Variants in SEMA6D observed in about 807,000 individuals in gnomAD.
SEMA6D encodes the protein semaphorin 6D.
A neutral mutation model predicts 106.6 loss-of-function variants in SEMA6D; 35 were observed. The ratio of observed to expected loss-of-function variants is 0.33; its 90% confidence interval spans 0.25 to 0.44. The LOEUF (loss-of-function observed/expected upper bound fraction) is 0.44. SEMA6D is among the 20% of genes least tolerant of loss of function. The pLI is 1.00. For missense variants in SEMA6D, 1,185 were observed against 1,345.9 expected (o/e 0.88, Z 1.87); for synonymous variants, 499 against 487.7 (o/e 1.02, Z -0.31).
chr15:47,654,486 T>C (rs1178789219), intron 4 of SEMA6D, among the ~76,000 whole-genome samples: 2 of 152,202 alleles, frequency 1.3e-5, no homozygotes, highest in East Asian at 1.9e-4. Context: ...ATATATACCA[T>C]TCAGTAAGTG....
intron 4 of SEMA6D, among the ~76,000 whole-genome samples, chr15:47,638,999 A>G (rs1478934446): frequency 6.6e-6 from 1 of 152,192 alleles, no homozygotes; most frequent in Non-Finnish European, 1.5e-5. Flanking sequence ...TTCCTCTCAC[A>G]TCCGTGCACT....
At chr15:47,628,827 G>T (rs1312252871) in intron 4 of SEMA6D, among the ~76,000 whole-genome samples, 3 of 152,024 alleles carry the variant, frequency 2.0e-5, no homozygotes, top group Admixed American at 6.6e-5. Flanking sequence ...TTAATTCAAG[G>T]TTTGGAAAAC....
At chr15:47,370,369 G>A (rs1004195804) in intron 1 of SEMA6D, among the ~76,000 whole-genome samples, 55 of 152,078 alleles carry the variant, frequency 3.6e-4, no homozygotes, top group African/African-American at 1.2e-3. Context: ...ATGAAAATTA[G>A]CCAGGCTTGA....
chr15:47,337,905 A>C (rs146615683), intron 1 of SEMA6D, among the ~76,000 whole-genome samples: 207 of 152,292 alleles, frequency 1.4e-3, no homozygotes, highest in African/African-American at 4.9e-3. Flanking sequence ...TATTCCCCAA[A>C]TCACCTCAAC....
At chr15:47,551,789 A>G (rs1345009313) in intron 3 of SEMA6D, among the ~76,000 whole-genome samples, 1 of 152,040 alleles carries the variant, frequency 6.6e-6, no homozygotes, top group Non-Finnish European at 1.5e-5. Flanking sequence ...CCAGAGATTC[A>G]GAGCCATAGT....
chr15:47,633,713 T>G (rs2077330952), intron 4 of SEMA6D, among the ~76,000 whole-genome samples: 1 of 152,196 alleles, frequency 6.6e-6, no homozygotes, highest in South Asian at 2.1e-4. Flanking sequence ...GTGAGCAGTT[T>G]TCAGTACAAT....
chr15:47,484,425 AT>A (rs1391527564), intron 3 of SEMA6D, among the ~76,000 whole-genome samples: 1 of 145,174 alleles, frequency 6.9e-6, no homozygotes, highest in East Asian at 2.0e-4. Context: ...AGGCAAGGCT[AT>A]TTCTGTGGTA....
intron 1 of SEMA6D, among the ~76,000 whole-genome samples, chr15:47,212,635 T>G (rs1281904154): frequency 6.6e-6 from 1 of 152,248 alleles, no homozygotes; most frequent in East Asian, 1.9e-4. Context: ...TCTATACTGT[T>G]TCTCAAAGCA....
At chr15:47,276,579 A>T (rs1456376285) in intron 1 of SEMA6D, among the ~76,000 whole-genome samples, 1 of 152,196 alleles carries the variant, frequency 6.6e-6, no homozygotes, top group Non-Finnish European at 1.5e-5. Flanking sequence ...GCATGGTTTT[A>T]GCGAATATTT....
intron 2 of SEMA6D, among the ~76,000 whole-genome samples, chr15:47,468,447 G>A (rs1390580861): frequency 6.6e-6 from 1 of 152,170 alleles, no homozygotes; most frequent in Non-Finnish European, 1.5e-5. Context: ...CTCAGTATAA[G>A]TGGGTGAAAG....
At position 47,751,208 on chromosome 15, in the gene SEMA6D, A is replaced by G. The variant is rs976887303; in HGVS notation, c.-54-8537A>G. On this transcript the variant is annotated intron_variant, in intron 1 of 18. Coordinates refer to ENST00000536845, the MANE Select transcript of SEMA6D (RefSeq NM_001358351.3). ...TTAAATACTGACGGTGATCATTAAG[A>G]TCTAAAGCCCTGCCCAGAACACACT... Among the ~76,000 whole-genome samples the G allele has an allele frequency of 2.6e-5, 4 of 152,192 alleles. No homozygotes were observed. The East Asian group carries it at 7.7e-4, about 29-fold the overall frequency.
intron 4 of SEMA6D, among the ~76,000 whole-genome samples, chr15:47,618,462 A>T (rs2077044229): frequency 2.6e-5 from 4 of 152,242 alleles, no homozygotes; most frequent in Admixed American, 2.6e-4. Context: ...CAAGCCTCTG[A>T]AAAGTAAAGC....
chr15:47,372,451 A>T (rs1199715550), intron 1 of SEMA6D, among the ~76,000 whole-genome samples: 1 of 152,218 alleles, frequency 6.6e-6, no homozygotes, highest in Non-Finnish European at 1.5e-5. Flanking sequence ...CTGATGAAAT[A>T]GTTGGAAAGC....
chr15:47,741,169 C>A (rs111908124), intron 1 of SEMA6D, among the ~76,000 whole-genome samples: 437 of 152,314 alleles, frequency 2.9e-3, no homozygotes, highest in African/African-American at 0.01. Flanking sequence ...TTATCTTTCT[C>A]TGCTGCAGGG....
chr15:47,301,620 G>C (rs1025889658), intron 1 of SEMA6D, among the ~76,000 whole-genome samples: 7 of 152,230 alleles, frequency 4.6e-5, no homozygotes, highest in African/African-American at 1.7e-4. Context: ...GCTGCCTTTA[G>C]CAGGAAGCAG....
chr15:47,351,282 A>T (rs638818), intron 1 of SEMA6D, among the ~76,000 whole-genome samples: 72,717 of 152,064 alleles, frequency 0.48, 20,719 homozygotes, highest in South Asian at 0.62. Flanking sequence ...TAAAGGTGTG[A>T]ATTACTGTTT....
At chr15:47,673,391 G>A (rs1266113797) in intron 4 of SEMA6D, among the ~76,000 whole-genome samples, 1 of 152,104 alleles carries the variant, frequency 6.6e-6, no homozygotes, top group Non-Finnish European at 1.5e-5. Flanking sequence ...ATCAACATGA[G>A]CTGAAACACT....
rs566786801 is a variant in SEMA6D, at chr15:47,327,177, T to A, written c.-238-85216T>A. Among the ~76,000 whole-genome samples the A allele has an allele frequency of 4.6e-5, 7 of 152,300 alleles. No individual in the cohort carries two copies. In the South Asian group the frequency reaches 1.4e-3, roughly 32 times the overall value. On this transcript the variant is annotated intron_variant, in intron 1 of 19. Transcript: ENST00000558014. The stretch of plus-strand genomic sequence containing the variant: ...TCGCTTACTAGGTAGGTGACCTTGG[T>A]TTAAGTTATTTAGCCTGTTTTTTTT...
intron 3 of SEMA6D, among the ~76,000 whole-genome samples, chr15:47,541,093 A>G (rs2045340163): frequency 1.3e-5 from 2 of 152,162 alleles, no homozygotes; most frequent in African/African-American, 4.8e-5. Context: ...GCTGTGTTTG[A>G]GAAAAGATGT....
Sources: gnomAD v4.1 joint callset for allele counts (sites outside exome capture counted in the v4.1 genomes callset) on GRCh38, gnomAD v4.1.1 for gene constraint, MANE v1.5 for transcripts, NCBI Gene and HGNC (gene_info 2026-07-23, HGNC 2026-07-21) for gene names.